The following OR5H14 variants were observed in gnomAD, a reference collection of about 807,000 sequenced individuals.
The protein encoded by OR5H14 is olfactory receptor 5H14.
For synonymous variants in OR5H14, 155 were observed against 130.6 expected, an observed-to-expected ratio of 1.19 and a Z score of -1.28; for missense variants, 392 against 363.9, an observed-to-expected ratio of 1.08 and a Z score of -0.63.
intron 1 of OR5H14, among the ~76,000 whole-genome samples, chr3:98,149,109 A>G (rs1489573565): frequency 1.3e-5 from 2 of 152,060 alleles, no homozygotes; most frequent in Non-Finnish European, 2.9e-5. Context: ...CATGTACCAG[A>G]CACAGGATTG....
At position 98,150,012 on chromosome 3, in the gene OR5H14, T is replaced by C. The variant is rs72927996; in HGVS notation, c.627T>C (p.Phe209=). ...TTTTTGCAGGTTCAATTCAAGTTTT[T>C]ACCATAGGGACTGTTCTTATATCTT... ...VFIFAGSIQV[F]TIGTVLISYI... Residue 209 remains phenylalanine (F), a synonymous_variant, in exon 2 of 2, where the codon TTT becomes TTC. Transcript: ENST00000641380. 9,944 of 1,612,878 alleles carry C rather than the reference T, an allele frequency of 6.2e-3. 380 individuals are homozygous for C. The African/African-American group carries it at 0.098, about 16-fold the overall frequency.
intron 1 of OR5H14, among the ~76,000 whole-genome samples, chr3:98,148,429 A>G (rs946665966): frequency 3.3e-5 from 5 of 152,022 alleles, no homozygotes; most frequent in African/African-American, 1.2e-4. Flanking sequence ...AATTATTTCT[A>G]TTAAGCTCTA....
In OR5H14 at chr3:98,150,229, G is replaced by A. The variant is rs769163844; in HGVS notation, c.844G>A (p.Val282Ile). ...GGAGTCTCTATTTTACACTGTCATA[G>A]TTCCTTTATTAAATCCCATGATCTA... The part of the protein sequence containing the change: ...MMESLFYTVI[V>I]PLLNPMIYSL... Residue 282 changes from valine to isoleucine, a missense_variant, in exon 2 of 2, where the codon GTT becomes ATT. Coordinates refer to ENST00000641380, the MANE Select transcript of OR5H14 (RefSeq NM_001005514.2). The A allele has an allele frequency of 1.9e-6, 3 of 1,611,754 alleles. No homozygotes were observed. Among genetic ancestry groups the A allele is most frequent in the Middle Eastern group, 1.6e-4 (1 of 6,064 alleles).
Position 98,149,450 on chromosome 3 carries a change from A to G in OR5H14, c.65A>G (p.Gln22Arg). ...FVLTGFLYQP[Q>R]WKIPLFLAFL... ...CTCACAGGATTTTTATATCAACCACAGTGGAAAATACCCCTGTTCCTGGCA... is the reference window on the plus strand; with the variant it reads ...CTCACAGGATTTTTATATCAACCACGGTGGAAAATACCCCTGTTCCTGGCA... Residue 22 changes from glutamine to arginine, a missense_variant, in exon 2 of 2, where the codon CAG (glutamine) becomes CGG (arginine). Gln to Arg is a conservative substitution (Grantham distance 43). Coordinates refer to ENST00000641380, the MANE Select transcript of OR5H14 (RefSeq NM_001005514.2). 6.2e-7 allele frequency: 1 copy of G among 1,613,420 alleles called. No homozygotes were observed. The highest frequency in any genetic ancestry group is 2.2e-5 in the East Asian group (1 of 44,854).
rs1350061324 is a variant in OR5H14 at position 98,156,255 on chromosome 3, A to G, written c.*5937A>G. 1 of 152,138 alleles carries G rather than the reference A, an allele frequency of 6.6e-6. No individual in the cohort carries two copies. The highest frequency in any genetic ancestry group is 1.9e-4 in the East Asian group (1 of 5,200). The allele number at this position is 152,138 out of a possible 1,614,324, so 9.4% of individuals were successfully genotyped here. A position where few individuals can be genotyped will look rare whatever the true frequency, so the allele number is the denominator to read the frequency against. ...CCTAATACTTTTAAAGGATCTCCAT[A>G]ATTTCTTATGATATTAGTAAAAGAG... On this transcript the variant is annotated 3_prime_UTR_variant, in exon 2 of 2. Coordinates refer to ENST00000641380, the MANE Select transcript of OR5H14 (RefSeq NM_001005514.2).
rs1708562607 is a variant in OR5H14 at position 98,154,812 on chromosome 3, A to G, written c.*4494A>G. 1 of 152,124 alleles carries G rather than the reference A, an allele frequency of 6.6e-6. No homozygotes were observed. Among genetic ancestry groups the G allele is most frequent in the African/African-American group, 2.4e-5 (1 of 41,434 alleles). 9.4% of individuals were successfully genotyped at this position (152,124 alleles called of 1,614,324 possible). On this transcript the variant is annotated 3_prime_UTR_variant, in exon 2 of 2. Transcript: ENST00000641380. ...TGTAGGTCCAACTACCTCTGGGAGGAATTTATAGTTTGATTTTGAAACAAA... is the reference window on the plus strand; with the variant it reads ...TGTAGGTCCAACTACCTCTGGGAGGGATTTATAGTTTGATTTTGAAACAAA...
rs1309373147 is a variant in OR5H14 at position 98,153,469 on chromosome 3, G to C, written c.*3151G>C. On this transcript the variant is annotated 3_prime_UTR_variant, in exon 2 of 2. Transcript: ENST00000641380. ...GTGGTGGCAGGTGCCTGTGATCCCAGCTACTTATGAGGCTGTGGCAGGAGA... is the reference window on the plus strand; with the variant it reads ...GTGGTGGCAGGTGCCTGTGATCCCACCTACTTATGAGGCTGTGGCAGGAGA... 2 of 152,110 alleles carry C rather than the reference G, an allele frequency of 1.3e-5. No individual in the cohort carries two copies. The highest frequency in any genetic ancestry group is 2.9e-5 in the Non-Finnish European group (2 of 68,056). 9.4% of individuals were successfully genotyped at this position (152,110 alleles called of 1,614,324 possible).
chr3:98,150,540 G>C lies in OR5H14; in HGVS notation c.*222G>C, dbSNP rs1708494047. On this transcript the variant is annotated 3_prime_UTR_variant, in exon 2 of 2. Coordinates refer to ENST00000641380, the MANE Select transcript of OR5H14 (RefSeq NM_001005514.2). ...AAGTCTTCATAATAGAATAATGATAGCAGAAGCAAATAAAAATATTGTACA... is the reference window on the plus strand; with the variant it reads ...AAGTCTTCATAATAGAATAATGATACCAGAAGCAAATAAAAATATTGTACA... 2.7e-6 allele frequency: 1 copy of C among 374,274 alleles called. No individual in the cohort carries two copies. 23.2% of individuals were successfully genotyped at this position (374,274 alleles called of 1,614,324 possible).
rs1178375676 is a variant in OR5H14 at position 98,150,114 on chromosome 3, T to A, written c.729T>A (p.Ala243=). 6.2e-7 allele frequency: 1 copy of A among 1,610,194 alleles called. No individual in the cohort carries two copies. The highest frequency in any genetic ancestry group is 8.5e-7 in the Non-Finnish European group (1 of 1,178,952). Residue 243 remains alanine, a synonymous_variant, in exon 2 of 2, where the codon GCT becomes GCA. Coordinates refer to ENST00000641380, the MANE Select transcript of OR5H14 (RefSeq NM_001005514.2). ...GAAAAGCCTTCTCCACCTGTGGAGC[T>A]CATCTCTTATCTGTATCTTTATACT... ...GMRKAFSTCG[A]HLLSVSLYYG... is the part of the protein sequence containing the mutation.
rs1397846075 is a variant in OR5H14 at position 98,155,470 on chromosome 3, A to C, written c.*5152A>C. The C allele has an allele frequency of 6.6e-6, 1 of 152,192 alleles. No homozygotes were observed. The highest frequency in any genetic ancestry group is 1.5e-5 in the Non-Finnish European group (1 of 68,020). 9.4% of individuals were successfully genotyped at this position (152,192 alleles called of 1,614,324 possible). ...ACTTTCTGGAAATTATATATAAACT[A>C]ATCCGATAGAATGATAGAATGCCAT... is the stretch of plus-strand genomic sequence containing the variant. On this transcript the variant is annotated 3_prime_UTR_variant, in exon 2 of 2. Transcript: ENST00000641380.
chr3:98,152,327 C>T lies in OR5H14; in HGVS notation c.*2009C>T, dbSNP rs1263981092. 2.0e-5 allele frequency: 3 copies of T among 152,114 alleles called. No homozygotes were observed. The highest frequency in any genetic ancestry group is 2.0e-4 in the Admixed American group (3 of 15,272). 9.4% of individuals were successfully genotyped at this position (152,114 alleles called of 1,614,324 possible). ...TATACCCAAAGCCTTATAAATCCTT[C>T]TAATATAAAGACACATGCACATGTA... On this transcript the variant is annotated 3_prime_UTR_variant, in exon 2 of 2. Coordinates refer to ENST00000641380, the MANE Select transcript of OR5H14 (RefSeq NM_001005514.2).
rs1223698109 is a variant in OR5H14, at chr3:98,152,332, A to G, written c.*2014A>G. 3.3e-5 allele frequency: 5 copies of G among 152,190 alleles called. No homozygotes were observed. The highest frequency in any genetic ancestry group is 4.4e-5 in the Non-Finnish European group (3 of 68,040). 9.4% of individuals were successfully genotyped at this position (152,190 alleles called of 1,614,324 possible). A position where few individuals can be genotyped will look rare whatever the true frequency, so the allele number is the denominator to read the frequency against. Reference sequence around the variant, plus strand: ...CCAAAGCCTTATAAATCCTTCTAATATAAAGACACATGCACATGTATGTTT... The same window carrying G: ...CCAAAGCCTTATAAATCCTTCTAATGTAAAGACACATGCACATGTATGTTT... On this transcript the variant is annotated 3_prime_UTR_variant, in exon 2 of 2. Transcript: ENST00000641380.
In OR5H14 at chr3:98,155,999, T is replaced by G. The variant is rs1321161244; in HGVS notation, c.*5681T>G. 1 of 152,302 alleles carries G rather than the reference T, an allele frequency of 6.6e-6. No homozygotes were observed. Among genetic ancestry groups the G allele is most frequent in the East Asian group, 1.9e-4 (1 of 5,180 alleles). The allele number at this position is 152,302 out of a possible 1,614,324, so 9.4% of individuals were successfully genotyped here. On this transcript the variant is annotated 3_prime_UTR_variant, in exon 2 of 2. Transcript: ENST00000641380. ...TGCCCAGTTGAAGATCTTCACTTTGTCCTACAGGAAAGCCTAAGATGCTCT... is the reference window on the plus strand; with the variant it reads ...TGCCCAGTTGAAGATCTTCACTTTGGCCTACAGGAAAGCCTAAGATGCTCT...
In OR5H14 at chr3:98,151,708, T is replaced by C. The variant is rs1708511461; in HGVS notation, c.*1390T>C. ...GAGAGAAAGGCTTTTGTTGATTTAA[T>C]GCGGAAGTACGTTAAAAAGAAACTT... On this transcript the variant is annotated 3_prime_UTR_variant, in exon 2 of 2. Transcript: ENST00000641380. The C allele has an allele frequency of 6.6e-6, 1 of 152,176 alleles. No homozygotes were observed. Among genetic ancestry groups the C allele is most frequent in the Admixed American group, 6.6e-5 (1 of 15,258 alleles). 9.4% of individuals were successfully genotyped at this position (152,176 alleles called of 1,614,324 possible). A position where few individuals can be genotyped will look rare whatever the true frequency, so the allele number is the denominator to read the frequency against.
In OR5H14 at chr3:98,150,347, C is replaced by T. The variant is rs60229583; in HGVS notation, c.*29C>T. 6.0e-3 allele frequency: 8,596 copies of T among 1,424,896 alleles called. 329 individuals carry two copies. In the African/African-American group the frequency reaches 0.094, roughly 16 times the overall value. 88.3% of individuals were successfully genotyped at this position (1,424,896 alleles called of 1,614,324 possible). A position where few individuals can be genotyped will look rare whatever the true frequency, so the allele number is the denominator to read the frequency against. On this transcript the variant is annotated 3_prime_UTR_variant, in exon 2 of 2. Transcript: ENST00000641380. Reference sequence around the variant, plus strand: ...ATTACTAATATCTCTTTTCTATTTACTAAAATGTCACAAAATTGTGCAAAT... The same window carrying T: ...ATTACTAATATCTCTTTTCTATTTATTAAAATGTCACAAAATTGTGCAAAT...
chr3:98,149,354 G>T lies in OR5H14; in HGVS notation c.-18-14G>T. The T allele has an allele frequency of 1.2e-6, 2 of 1,604,200 alleles. No individual in the cohort carries two copies. The highest frequency in any genetic ancestry group is 1.7e-6 in the Non-Finnish European group (2 of 1,174,032). ...TTGCAGATGTTCCCTTTCATTTGTT[G>T]CATTTTATTTTAGAGGACATGCAGT... On this transcript the variant is annotated splice_polypyrimidine_tract_variant and intron_variant, in intron 1 of 1. Transcript: ENST00000641380.
At position 98,155,154 on chromosome 3, in the gene OR5H14, C is replaced by G. The variant is rs77191582; in HGVS notation, c.*4836C>G. 1.3e-5 allele frequency: 2 copies of G among 152,166 alleles called. No homozygotes were observed. The highest frequency in any genetic ancestry group is 6.6e-5 in the Admixed American group (1 of 15,256). The allele number at this position is 152,166 out of a possible 1,614,324, so 9.4% of individuals were successfully genotyped here. A position where few individuals can be genotyped will look rare whatever the true frequency, so the allele number is the denominator to read the frequency against. Reference sequence around the variant, plus strand: ...GATCCACAAGAAGACAGTTTTAACCCCTATGATTTTATCCCCAACACAACC... The same window carrying G: ...GATCCACAAGAAGACAGTTTTAACCGCTATGATTTTATCCCCAACACAACC... On this transcript the variant is annotated 3_prime_UTR_variant, in exon 2 of 2. Transcript: ENST00000641380.
In OR5H14 at chr3:98,156,531, T is replaced by G. The variant is rs1559809940; in HGVS notation, c.*6213T>G. The G allele has an allele frequency of 6.6e-6, 1 of 152,156 alleles. No individual in the cohort carries two copies. The highest frequency in any genetic ancestry group is 1.5e-5 in the Non-Finnish European group (1 of 67,984). 9.4% of individuals were successfully genotyped at this position (152,156 alleles called of 1,614,324 possible). Reference sequence around the variant, plus strand: ...AATGATGTTATAAGTTCTGGCTAATTAGAAGCTTAAATGTTTTAAAGCTGG... The same window carrying G: ...AATGATGTTATAAGTTCTGGCTAATGAGAAGCTTAAATGTTTTAAAGCTGG... On this transcript the variant is annotated 3_prime_UTR_variant, in exon 2 of 2. Coordinates refer to ENST00000641380, the MANE Select transcript of OR5H14 (RefSeq NM_001005514.2).
intron 1 of OR5H14, among the ~76,000 whole-genome samples, chr3:98,148,722 C>T (rs1708455202): frequency 2.6e-5 from 4 of 151,996 alleles, no homozygotes; most frequent in Admixed American, 2.6e-4. Context: ...TTTGAATCAT[C>T]TTGAGGGTAT....
Sources: allele counts gnomAD v4.1 joint callset (sites outside exome capture counted in the v4.1 genomes callset), GRCh38; gene constraint gnomAD v4.1.1; transcripts MANE v1.5; gene names NCBI Gene and HGNC (gene_info 2026-07-23, HGNC 2026-07-21).